NKAIN2: variants seen among roughly 807,000 people sequenced by gnomAD.
The protein encoded by NKAIN2 is sodium/potassium-transporting ATPase subunit beta-1-interacting protein 2.
NKAIN2 carries 14 observed loss-of-function variants against 32.6 expected under a neutral mutation model. The observed-to-expected ratio is 0.43, with a 90% CI of 0.28 to 0.67. The LOEUF is 0.67. NKAIN2 is among the 30% of genes least tolerant of loss of function. The pLI is 0.17. For synonymous variants in NKAIN2, 80 were observed against 87.2 expected, an observed-to-expected ratio of 0.92 and a Z score of 0.46; for missense variants, 198 against 258.3, an observed-to-expected ratio of 0.77 and a Z score of 1.60.
In NKAIN2 at chr6:123,915,848, A is replaced by G. The variant is rs527884056; in HGVS notation, c.54+111594A>G. Among the ~76,000 whole-genome samples the G allele has an allele frequency of 2.6e-5, 4 of 152,314 alleles. No individual in the cohort carries two copies. The South Asian group carries it at 8.3e-4, about 32-fold the overall frequency. On this transcript the variant is annotated intron_variant, in intron 1 of 6. Transcript: ENST00000368417. ...TAAACATTTAATAGACACTTGTCAT[A>G]GTAAAAGTTCTGAAAAGAGAAAAAC... is the stretch of plus-strand genomic sequence containing the variant.
At chr6:123,806,725 G>A (rs910499106) in intron 1 of NKAIN2, among the ~76,000 whole-genome samples, 1 of 151,970 alleles carries the variant, frequency 6.6e-6, no homozygotes, top group African/African-American at 2.4e-5. Context: ...TGTTTAGTAT[G>A]TGTTCTTGTA....
At chr6:124,796,929 G>C (rs1037203972) in intron 5 of NKAIN2, among the ~76,000 whole-genome samples, 2 of 151,980 alleles carry the variant, frequency 1.3e-5, no homozygotes, top group Non-Finnish European at 2.9e-5. Flanking sequence ...CCCTCTACTT[G>C]TTCTCTTTTA....
intron 1 of NKAIN2, among the ~76,000 whole-genome samples, chr6:123,952,227 C>T (rs530505276): frequency 1.3e-5 from 2 of 152,096 alleles, no homozygotes; most frequent in Non-Finnish European, 2.9e-5. Context: ...ATCTCATTCT[C>T]TCCTGGCCTG....
chr6:124,095,167 A>C (rs922511833), intron 1 of NKAIN2, among the ~76,000 whole-genome samples: 4 of 152,166 alleles, frequency 2.6e-5, no homozygotes, highest in Admixed American at 6.6e-5. Context: ...TCCATGAAAA[A>C]CTGAGTCATA....
chr6:124,716,972 G>A (rs1346051123), intron 4 of NKAIN2, among the ~76,000 whole-genome samples: 5 of 152,142 alleles, frequency 3.3e-5, no homozygotes, highest in South Asian at 2.1e-4. Flanking sequence ...AATACTTGTC[G>A]AAAGAGTCAA....
In NKAIN2 at chr6:123,951,962, T is replaced by A. The variant is rs73555227; in HGVS notation, c.54+147708T>A. The stretch of plus-strand genomic sequence containing the variant: ...TAGTGGTAACATTTGAAATTTTTTC[T>A]TCTTTGTTTGTGTGTTTGCTCTACC... On this transcript the variant is annotated intron_variant, in intron 1 of 6. Coordinates refer to ENST00000368417, the MANE Select transcript of NKAIN2 (RefSeq NM_001040214.3). Among the ~76,000 whole-genome samples the A allele has an allele frequency of 7.9e-3, 1,206 of 152,076 alleles. 11 individuals carry two copies. Among genetic ancestry groups the A allele is most frequent in the African/African-American group, 0.027 (1,133 of 41,510 alleles).
chr6:124,143,230 G>A (rs1787228095), intron 1 of NKAIN2, among the ~76,000 whole-genome samples: 1 of 152,188 alleles, frequency 6.6e-6, no homozygotes, highest in African/African-American at 2.4e-5. Flanking sequence ...AGGCTGGGGT[G>A]GAGGACTGCT....
At chr6:124,784,522 C>T (rs968884962) in intron 4 of NKAIN2, among the ~76,000 whole-genome samples, 4 of 152,082 alleles carry the variant, frequency 2.6e-5, no homozygotes, top group African/African-American at 9.7e-5. Context: ...AACCTCAATT[C>T]TATGGAAATT....
At chr6:124,797,915 G>T (rs962606731) in intron 5 of NKAIN2, among the ~76,000 whole-genome samples, 1 of 152,078 alleles carries the variant, frequency 6.6e-6, no homozygotes, top group African/African-American at 2.4e-5. Context: ...ATAAAAAAAG[G>T]AAAATTAAAA....
chr6:124,795,776 G>C (rs940089951), intron 5 of NKAIN2, among the ~76,000 whole-genome samples: 1 of 152,028 alleles, frequency 6.6e-6, no homozygotes, highest in African/African-American at 2.4e-5. Context: ...GCCTTCCGGG[G>C]CCTCTTTTAG....
Position 124,658,306 on chromosome 6 carries a change from C to A in NKAIN2, c.394C>A (p.Arg132Ser), listed in dbSNP as rs763164958. The A allele has an allele frequency of 1.2e-6, 2 of 1,614,096 alleles. No individual in the cohort carries two copies. Among genetic ancestry groups the A allele is most frequent in the Non-Finnish European group, 1.7e-6 (2 of 1,180,004 alleles). The change falls in exon 4 of 7, where the codon CGC becomes AGC. Residue 132 changes from arginine to serine, a missense_variant. Coordinates refer to ENST00000368417, the MANE Select transcript of NKAIN2 (RefSeq NM_001040214.3). ...PAPDWAPEDH[R>S]YITVSGCLLE... ...CCCAGACTGGGCCCCAGAAGACCAT[C>A]GCTACATCACGGTCTCAGGGTGTTT...
At chr6:124,135,517 A>T (rs1421703080) in intron 1 of NKAIN2, among the ~76,000 whole-genome samples, 35 of 348 alleles carry the variant, frequency 0.1, no homozygotes, top group South Asian at 0.38. Flanking sequence ...AACGATAGTA[A>T]AAAAAAAAAA....
chr6:124,245,122 C>T (rs896518366), intron 1 of NKAIN2, among the ~76,000 whole-genome samples: 1 of 152,032 alleles, frequency 6.6e-6, no homozygotes, highest in African/African-American at 2.4e-5. Context: ...CAGGTGTTTG[C>T]GCTTGGCCAA....
At chr6:124,481,329 A>AT (rs545066204) in intron 3 of NKAIN2, among the ~76,000 whole-genome samples, 15 of 152,038 alleles carry the variant, frequency 9.9e-5, no homozygotes, top group African/African-American at 2.4e-4. Context: ...ATGCTACATT[A>AT]TTTTTTTTAA....
intron 1 of NKAIN2, among the ~76,000 whole-genome samples, chr6:124,253,350 C>T (rs1370591461): frequency 6.6e-6 from 1 of 152,038 alleles, no homozygotes; most frequent in Non-Finnish European, 1.5e-5. Flanking sequence ...ATTCACCAAC[C>T]CAACTTAAAG....
intron 1 of NKAIN2, among the ~76,000 whole-genome samples, chr6:123,911,782 C>T (rs7769792): frequency 0.27 from 27,778 of 103,794 alleles, 5,058 homozygotes; most frequent in East Asian, 0.53. Flanking sequence ...TACATACATA[C>T]ATATATATAT....
chr6:124,675,978 T>G (rs998982077), intron 4 of NKAIN2, among the ~76,000 whole-genome samples: 1 of 152,140 alleles, frequency 6.6e-6, no homozygotes, highest in African/African-American at 2.4e-5. Context: ...GTAAACTGCT[T>G]TCTTCATACT....
chr6:124,711,850 C>T (rs1775483598), intron 4 of NKAIN2, among the ~76,000 whole-genome samples: 1 of 152,152 alleles, frequency 6.6e-6, no homozygotes, highest in Admixed American at 6.5e-5. Flanking sequence ...AGCTTTGTTC[C>T]ATTGCTGGTG....
chr6:124,070,728 A>C (rs1008239228), intron 1 of NKAIN2, among the ~76,000 whole-genome samples: 1 of 152,142 alleles, frequency 6.6e-6, no homozygotes, highest in African/African-American at 2.4e-5. Context: ...CAAACTACCA[A>C]CATCATCTTT....
Sources: gnomAD v4.1 joint callset for allele counts (sites outside exome capture counted in the v4.1 genomes callset) on GRCh38, gnomAD v4.1.1 for gene constraint, MANE v1.5 for transcripts, NCBI Gene and HGNC (gene_info 2026-07-23, HGNC 2026-07-21) for gene names.